Variants in CLVS1 observed in about 807,000 individuals in gnomAD.
CLVS1 encodes the protein clavesin-1.
A neutral mutation model predicts 33.1 loss-of-function variants in CLVS1; 10 were observed. That is an observed-to-expected ratio of 0.30 (90% CI 0.19 to 0.51). The LOEUF (loss-of-function observed/expected upper bound fraction) is 0.51, where lower values mean the gene tolerates loss of function less well. CLVS1 is among the 20% of genes least tolerant of loss of function. CLVS1 has a pLI of 0.97. For missense variants in CLVS1, 343 were observed against 433.4 expected (o/e 0.79, Z 1.85); for synonymous variants, 163 against 166.1 (o/e 0.98, Z 0.14).
At chr8:61,086,084 T>G (rs910158969) in intron 1 of CLVS1, among the ~76,000 whole-genome samples, 2 of 129,462 alleles carry the variant, frequency 1.5e-5, no homozygotes, top group African/African-American at 5.9e-5. Context: ...AAAATTAGCT[T>G]GTTGTGGTGG....
intron 3 of CLVS1, among the ~76,000 whole-genome samples, chr8:61,423,450 A>G (rs1352680464): frequency 4.6e-5 from 7 of 152,212 alleles, no homozygotes; most frequent in Non-Finnish European, 8.8e-5. Context: ...CCGAGCATAG[A>G]AATATTATAT....
chr8:61,477,946 A>G (rs1041225492), intron 5 of CLVS1, among the ~76,000 whole-genome samples: 2 of 152,074 alleles, frequency 1.3e-5, no homozygotes, highest in Non-Finnish European at 2.9e-5. Context: ...AGTGCTATAA[A>G]TTTCCCTCTA....
the CLVS1 span, among the ~76,000 whole-genome samples, chr8:61,012,868 C>G: frequency 2.6e-5 from 4 of 152,292 alleles, no homozygotes; most frequent in South Asian, 8.3e-4. Flanking sequence ...CCTGCTTGCC[C>G]TAGAAGATGG....
At chr8:60,973,751 T>G in the CLVS1 span, among the ~76,000 whole-genome samples, 1 of 152,148 alleles carries the variant, frequency 6.6e-6, no homozygotes, top group Admixed American at 6.5e-5. Context: ...GTTAAACTCT[T>G]TTGCCTCATA....
At chr8:61,236,945 T>G (rs557124585) in intron 2 of CLVS1, among the ~76,000 whole-genome samples, 1 of 152,188 alleles carries the variant, frequency 6.6e-6, no homozygotes, top group South Asian at 2.1e-4. Context: ...CAGAATAGAG[T>G]GCAATTCATT....
At chr8:61,140,702 A>G (rs2129292995) in intron 2 of CLVS1, among the ~76,000 whole-genome samples, 1 of 152,070 alleles carries the variant, frequency 6.6e-6, no homozygotes, top group Middle Eastern at 3.4e-3. Context: ...AGCTGGGACT[A>G]AGGCGCCTGC....
chr8:61,109,494 A>G (rs1805591349), intron 1 of CLVS1, among the ~76,000 whole-genome samples: 1 of 152,194 alleles, frequency 6.6e-6, no homozygotes, highest in Non-Finnish European at 1.5e-5. Context: ...AAATATTTAT[A>G]AATTTAAATA....
rs574576725 is a variant in CLVS1 at position 61,398,779 on chromosome 8, C to T, written c.630+22000C>T. On this transcript the variant is annotated intron_variant, in intron 3 of 5. Coordinates refer to ENST00000325897, the MANE Select transcript of CLVS1 (RefSeq NM_173519.3). ...ACATGTTCTCATTATTCAGCTCCCA[C>T]CTAAAAATGAGAACATGTGGTATAT... Among the ~76,000 whole-genome samples, 33 of 152,258 alleles carry T rather than the reference C, an allele frequency of 2.2e-4. No individual in the cohort carries two copies. The South Asian group carries it at 4.4e-3, about 20-fold the overall frequency.
At chr8:61,082,302 G>A (rs571321768) in intron 1 of CLVS1, among the ~76,000 whole-genome samples, 17 of 152,068 alleles carry the variant, frequency 1.1e-4, no homozygotes, top group Admixed American at 2.6e-4. Flanking sequence ...AGAGTTGTAG[G>A]ACAATTACAA....
chr8:61,065,233 A>C (rs1460914939), intron 1 of CLVS1, among the ~76,000 whole-genome samples: 1 of 152,204 alleles, frequency 6.6e-6, no homozygotes, highest in African/African-American at 2.4e-5. Context: ...TCCTTATAAT[A>C]CCTAACACAA....
At chr8:61,393,611 T>G (rs1454994566) in intron 3 of CLVS1, among the ~76,000 whole-genome samples, 1 of 152,212 alleles carries the variant, frequency 6.6e-6, no homozygotes, top group Non-Finnish European at 1.5e-5. Flanking sequence ...CTTGATATTG[T>G]GCCCTTTCAT....
intron 2 of CLVS1, among the ~76,000 whole-genome samples, chr8:61,282,858 C>T (rs947353309): frequency 6.6e-6 from 1 of 152,120 alleles, no homozygotes; most frequent in South Asian, 2.1e-4. Context: ...GTTGCAGGAA[C>T]AAAAAACTTG....
At chr8:61,027,291 A>G in the CLVS1 span, among the ~76,000 whole-genome samples, 1 of 152,192 alleles carries the variant, frequency 6.6e-6, no homozygotes, top group Non-Finnish European at 1.5e-5. Context: ...GTATTTTATG[A>G]TAAACTATTC....
intron 2 of CLVS1, among the ~76,000 whole-genome samples, chr8:61,345,175 A>G (rs754950732): frequency 6.6e-6 from 1 of 152,170 alleles, no homozygotes; most frequent in Non-Finnish European, 1.5e-5. Context: ...CTGATTGCCT[A>G]TCCACAAGAG....
At chr8:61,417,365 G>A (rs553159900) in intron 3 of CLVS1, among the ~76,000 whole-genome samples, 16 of 152,232 alleles carry the variant, frequency 1.1e-4, no homozygotes, top group East Asian at 5.8e-4. Flanking sequence ...TCTCCCAGAC[G>A]TTTTTTTCTT....
chr8:61,039,360 G>T, the CLVS1 span, among the ~76,000 whole-genome samples: 1 of 152,038 alleles, frequency 6.6e-6, no homozygotes, highest in Non-Finnish European at 1.5e-5. Context: ...GTTGAGCCCC[G>T]CAATTTGAAA....
intron 2 of CLVS1, among the ~76,000 whole-genome samples, chr8:61,250,591 C>T (rs929030650): frequency 3.9e-5 from 6 of 152,026 alleles, no homozygotes; most frequent in Non-Finnish European, 7.4e-5. Context: ...TTCTTATTTC[C>T]TTGAGCAGTG....
At chr8:61,253,862 C>T (rs563531223) in intron 2 of CLVS1, among the ~76,000 whole-genome samples, 106 of 152,224 alleles carry the variant, frequency 7.0e-4, no homozygotes, top group African/African-American at 1.6e-3. Flanking sequence ...GCCATGGGTT[C>T]GAACTTCCTT....
chr8:61,316,300 A>G (rs1028491331), intron 2 of CLVS1, among the ~76,000 whole-genome samples: 4 of 152,208 alleles, frequency 2.6e-5, no homozygotes, highest in African/African-American at 9.7e-5. Flanking sequence ...CCTTTGCTCT[A>G]CAATTGGCTA....
Sources: gnomAD v4.1 joint callset for allele counts (sites outside exome capture counted in the v4.1 genomes callset) on GRCh38, gnomAD v4.1.1 for gene constraint, MANE v1.5 for transcripts, NCBI Gene and HGNC (gene_info 2026-07-23, HGNC 2026-07-21) for gene names.